HERC1: variants seen among roughly 807,000 people sequenced by gnomAD.
The protein encoded by HERC1 is probable E3 ubiquitin-protein ligase HERC1.
HERC1 carries 160 observed loss-of-function variants against 554.3 expected under a neutral mutation model. The ratio of observed to expected loss-of-function variants is 0.29; its 90% CI spans 0.25 to 0.33. HERC1 has a LOEUF of 0.33. HERC1 is among the 10% of genes least tolerant of loss of function. HERC1 has a pLI of 1.00. For missense variants in HERC1, 4,919 were observed against 5,918.5 expected (o/e 0.83, Z 5.54); for synonymous variants, 2,175 against 2,131.7 (o/e 1.02, Z -0.56).
chr15:63,760,436 A>C (rs75946507), intron 3 of HERC1, among the ~76,000 whole-genome samples: 1 of 11,108 alleles, frequency 9.0e-5, no homozygotes, highest in Admixed American at 9.3e-4. Context: ...GACACCATCC[A>C]AAAAAAAAAA....
chr15:63,629,025 A>C (rs2068431524), intron 69 of HERC1, among the ~76,000 whole-genome samples: 1 of 150,226 alleles, frequency 6.7e-6, no homozygotes, highest in Non-Finnish European at 1.5e-5. Context: ...ATCTCAGCTC[A>C]CTGCAAGCTC....
In HERC1 at chr15:63,713,477, G is replaced by A. The variant is rs7162519; in HGVS notation, c.4339C>T (p.His1447Tyr). The change falls in exon 23 of 78, where the codon CAT (histidine) becomes TAT (tyrosine). Residue 1447 changes from histidine to tyrosine, a missense_variant. His to Tyr is a moderately conservative substitution (Grantham distance 83). This residue lies in a region of HERC1 where 1,121 missense variants were observed against 1,244.0 expected (regional missense o/e 0.90). Coordinates refer to ENST00000443617, the MANE Select transcript of HERC1 (RefSeq NM_003922.4). ...VYTAACNSVI[H>Y]RCALLILGVS... is the part of the protein sequence containing the mutation. ...CCTAATATTAACAGGGCACACCGAT[G>A]GATCACGGAGTTGCATGCAGCAGTG... The A allele has an allele frequency of 6.2e-7, 1 of 1,613,968 alleles. No homozygotes were observed. Among genetic ancestry groups the A allele is most frequent in the South Asian group, 1.1e-5 (1 of 91,082 alleles).
chr15:63,781,170 TAA>T (rs1453969714), intron 1 of HERC1, among the ~76,000 whole-genome samples: 1 of 152,156 alleles, frequency 6.6e-6, no homozygotes, highest in Non-Finnish European at 1.5e-5. Flanking sequence ...AGCAGAGTTA[TAA>T]AACAATGAAG....
intron 19 of HERC1, among the ~76,000 whole-genome samples, chr15:63,719,300 T>C (rs995840826): frequency 6.6e-6 from 1 of 152,056 alleles, no homozygotes; most frequent in Admixed American, 6.6e-5. Context: ...CTAAATGAAG[T>C]GGGGGAAAAA....
At chr15:63,681,588 TA>T (rs975107915) in intron 34 of HERC1, among the ~76,000 whole-genome samples, 3,243 of 143,970 alleles carry the variant, frequency 0.023, 115 homozygotes, top group African/African-American at 0.078. Flanking sequence ...TACACTGATT[TA>T]AAAAAAAAAA....
chr15:63,723,226 G>A lies in HERC1; in HGVS notation c.3698C>T (p.Ala1233Val), dbSNP rs1429793448. Reference sequence around the variant, plus strand: ...CTGCATGCTGATCCAAAGGCTTCGGGCAGGCTCTTTAGAACAACCCAATGC... The same window carrying A: ...CTGCATGCTGATCCAAAGGCTTCGGACAGGCTCTTTAGAACAACCCAATGC... Reference protein sequence around the residue: ...DLALGCSKEPARSLWISMQDY... With the variant: ...DLALGCSKEPVRSLWISMQDY... Residue 1233 changes from alanine (A) to valine (V), a missense_variant, in exon 19 of 78, where the codon GCC (alanine) becomes GTC (valine). Coordinates refer to ENST00000443617, the MANE Select transcript of HERC1 (RefSeq NM_003922.4). 6.3e-7 allele frequency: 1 copy of A among 1,591,648 alleles called. No homozygotes were observed. The highest frequency in any genetic ancestry group is 1.2e-5 in the South Asian group (1 of 86,778).
chr15:63,744,164 G>GTGTGTGTGTGTGTGTCTCTC, intron 12 of HERC1, among the ~76,000 whole-genome samples: 2 of 46,306 alleles, frequency 4.3e-5, no homozygotes, highest in African/African-American at 6.7e-5. Flanking sequence ...GTGTGTGTGT[G>GTGTGTGTGTGTGTGTCTCTC]TCTCTCTCTC....
chr15:63,625,714 A>G (rs1459548554), intron 71 of HERC1, among the ~76,000 whole-genome samples: 3 of 152,062 alleles, frequency 2.0e-5, no homozygotes, highest in Non-Finnish European at 2.9e-5. Flanking sequence ...AAAAAAAGAA[A>G]GAAATGGTAT....
chr15:63,687,359 G>A (rs2071826271), intron 33 of HERC1, among the ~76,000 whole-genome samples: 1 of 152,080 alleles, frequency 6.6e-6, no homozygotes, highest in Admixed American at 6.5e-5. Flanking sequence ...CTAATATGGT[G>A]AAACCCCGTC....
At chr15:63,787,965 A>T (rs1440944692) in intron 1 of HERC1, among the ~76,000 whole-genome samples, 1 of 149,730 alleles carries the variant, frequency 6.7e-6, no homozygotes, top group Non-Finnish European at 1.5e-5. Flanking sequence ...TGTCTCAAAA[A>T]AAAAAAAAAA....
intron 67 of HERC1, among the ~76,000 whole-genome samples, chr15:63,633,234 G>A (rs964122341): frequency 1.3e-5 from 2 of 152,222 alleles, no homozygotes; most frequent in African/African-American, 4.8e-5. Flanking sequence ...CACTAGTCTA[G>A]CTATCAGGAT....
Position 63,686,091 on chromosome 15 carries a change from T to C in HERC1, c.6225+268A>G, listed in dbSNP as rs563654178. ...TTCATTGCTAGAAGAAAATGTGTTC[T>C]GTGTGACTCCTTATGGGAGGGCTAT... On this transcript the variant is annotated intron_variant, in intron 34 of 77. Transcript: ENST00000443617. 1.1e-4 allele frequency among the ~76,000 whole-genome samples: 17 copies of C among 152,348 alleles called. No individual in the cohort carries two copies. In the South Asian group the frequency reaches 3.3e-3, roughly 30 times the overall value.
chr15:63,812,432 T>C (rs909062871), intron 1 of HERC1, among the ~76,000 whole-genome samples: 2 of 152,246 alleles, frequency 1.3e-5, no homozygotes, highest in Non-Finnish European at 2.9e-5. Flanking sequence ...ATGGGCTTAC[T>C]TTTCTTTGAA....
intron 12 of HERC1, among the ~76,000 whole-genome samples, chr15:63,736,685 G>A (rs7165538): frequency 0.26 from 39,294 of 151,244 alleles, 5,629 homozygotes; most frequent in Middle Eastern, 0.38. Flanking sequence ...CTCGGCTCAC[G>A]GCAACCTCCA....
chr15:63,668,455 C>A (rs1012202072), intron 40 of HERC1, among the ~76,000 whole-genome samples: 6 of 152,134 alleles, frequency 3.9e-5, no homozygotes, highest in African/African-American at 1.4e-4. Flanking sequence ...GTCACTCCAG[C>A]CCGGGTGACA....
intron 44 of HERC1, among the ~76,000 whole-genome samples, chr15:63,662,702 T>C (rs1177692962): frequency 6.6e-6 from 1 of 152,224 alleles, no homozygotes; most frequent in East Asian, 1.9e-4. Context: ...GCTTGTTTTG[T>C]AATTTATCTT....
chr15:63,686,157 A>C (rs530798992), intron 34 of HERC1, among the ~76,000 whole-genome samples: 29 of 152,296 alleles, frequency 1.9e-4, no homozygotes, highest in African/African-American at 6.7e-4. Flanking sequence ...TTTTGAGATA[A>C]CTTTAGAATT....
In HERC1 at chr15:63,666,524, G is replaced by A. The variant is rs961208794; in HGVS notation, c.8207-52C>T. ...ACCTAAATATCACTAGATACCGTGA[G>A]TAAAAAGTGTCTTCATAGTCCTCAA... is the stretch of plus-strand genomic sequence containing the variant. On this transcript the variant is annotated intron_variant, in intron 40 of 77. Transcript: ENST00000443617. 33 of 1,159,190 alleles carry A rather than the reference G, an allele frequency of 2.8e-5. No individual in the cohort carries two copies. In the African/African-American group the frequency reaches 4.4e-4, roughly 15 times the overall value. The allele number at this position is 1,159,190 out of a possible 1,614,324, so 71.8% of individuals were successfully genotyped here. A position where few individuals can be genotyped will look rare whatever the true frequency, so the allele number is the denominator to read the frequency against.
At chr15:63,616,864 C>T (rs776753691) in intron 74 of HERC1, 182 bp from the exon 75 acceptor site, 47 of 589,470 alleles carry the variant, frequency 8.0e-5, no homozygotes, top group Admixed American at 5.1e-4. Context: ...CCTAATCACA[C>T]GTTGAGTTCT....
Sources: gnomAD v4.1 joint callset for allele counts (sites outside exome capture counted in the v4.1 genomes callset) on GRCh38, gnomAD v4.1.1 for gene constraint, gnomAD v4.1.1 regional missense constraint, MANE v1.5 for transcripts, NCBI Gene and HGNC (gene_info 2026-07-23, HGNC 2026-07-21) for gene names.